The following PCSK2 variants were observed in gnomAD, a reference collection of about 807,000 sequenced individuals.
PCSK2 encodes neuroendocrine convertase 2.
Under a neutral mutation model 69.7 loss-of-function variants are expected in PCSK2, and 14 were observed. The ratio of observed to expected loss-of-function variants is 0.20; its 90% CI spans 0.13 to 0.31. The LOEUF is 0.31. Among genes scored for constraint, PCSK2 ranks in the 10% least tolerant of loss-of-function variants. The probability of loss-of-function intolerance (pLI) is 1.00; values close to 1 mark genes in which losing one functional copy is unlikely to be tolerated. For synonymous variants in PCSK2, 307 were observed against 320.7 expected (o/e 0.96, Z 0.46); for missense variants, 544 against 842.5 (o/e 0.65, Z 4.39).
intron 1 of PCSK2, among the ~76,000 whole-genome samples, chr20:17,258,037 A>G (rs1209463309): frequency 6.6e-6 from 1 of 152,250 alleles, no homozygotes; most frequent in Admixed American, 6.5e-5. Flanking sequence ...AAACCCTGGG[A>G]CAGATCAAAT....
chr20:17,358,181 G>C, intron 2 of PCSK2, 146 bp from the exon 3 acceptor site: 1 of 590,184 alleles, frequency 1.7e-6, no homozygotes, highest in Non-Finnish European at 3.0e-6. Flanking sequence ...TAATGGTAAG[G>C]TGAGCATGTA....
intron 2 of PCSK2, among the ~76,000 whole-genome samples, chr20:17,281,923 A>C (rs1346112228): frequency 6.6e-6 from 1 of 152,166 alleles, no homozygotes; most frequent in African/African-American, 2.4e-5. Context: ...ATGATGTCCC[A>C]GTAAGCCACT....
intron 2 of PCSK2, among the ~76,000 whole-genome samples, chr20:17,307,935 T>C (rs1934888): frequency 0.6 from 88,179 of 148,034 alleles, 27,723 homozygotes; most frequent in East Asian, 0.8. Flanking sequence ...TCTGGGGAGA[T>C]TTCTGGAAGC....
intron 1 of PCSK2, among the ~76,000 whole-genome samples, chr20:17,244,532 T>C (rs1986701959): frequency 6.6e-6 from 1 of 152,222 alleles, no homozygotes; most frequent in Non-Finnish European, 1.5e-5. Context: ...ATCCCCATAA[T>C]GTACCCTGTA....
chr20:17,464,085 A>G (rs560727401), intron 10 of PCSK2: 2 of 152,250 alleles, frequency 1.3e-5, no homozygotes, highest in African/African-American at 4.8e-5. Flanking sequence ...AACACCAACC[A>G]TTAAATCACT....
At chr20:17,347,864 AG>A (rs1568612181) in intron 2 of PCSK2, among the ~76,000 whole-genome samples, 4 of 85,510 alleles carry the variant, frequency 4.7e-5, no homozygotes, top group Non-Finnish European at 7.1e-5. Context: ...AAGAAAGAGG[AG>A]AGAGAAAAAA....
At chr20:17,338,868 G>A (rs555999167) in intron 2 of PCSK2, among the ~76,000 whole-genome samples, 37 of 152,154 alleles carry the variant, frequency 2.4e-4, no homozygotes, top group Admixed American at 7.2e-4. Context: ...ACACTAGTGC[G>A]ATGGGTGAGT....
At chr20:17,303,663 G>A in intron 2 of PCSK2, among the ~76,000 whole-genome samples, 1 of 144,108 alleles carries the variant, frequency 6.9e-6, no homozygotes, top group Non-Finnish European at 1.5e-5. Flanking sequence ...TGCAACCTCT[G>A]CCTCCCGAGT....
At chr20:17,306,365 T>C (rs1341690631) in intron 2 of PCSK2, among the ~76,000 whole-genome samples, 1 of 152,180 alleles carries the variant, frequency 6.6e-6, no homozygotes, top group Non-Finnish European at 1.5e-5. Flanking sequence ...TGACTGAACC[T>C]GCATACAGAC....
chr20:17,336,178 G>T (rs1392996189), intron 2 of PCSK2, among the ~76,000 whole-genome samples: 1 of 152,122 alleles, frequency 6.6e-6, no homozygotes, highest in African/African-American at 2.4e-5. Context: ...AAAGTATTTT[G>T]CATTTGGTGC....
At chr20:17,256,872 C>T (rs936739415) in intron 1 of PCSK2, among the ~76,000 whole-genome samples, 16 of 152,084 alleles carry the variant, frequency 1.1e-4, no homozygotes, top group Admixed American at 2.6e-4. Flanking sequence ...ACATGCAGTG[C>T]TTGGCTTTTT....
intron 5 of PCSK2, among the ~76,000 whole-genome samples, chr20:17,374,239 T>A (rs1351969753): frequency 2.0e-5 from 3 of 152,146 alleles, no homozygotes; most frequent in African/African-American, 7.2e-5. Flanking sequence ...ATGTGAGACA[T>A]GACTGTCAGG....
In PCSK2 at chr20:17,403,593, G is replaced by C. The variant is rs575792730; in HGVS notation, c.544-5670G>C. ...GCTCATTTCTCTTTCATTAGTCCAT[G>C]AGCACAGTGCAATTTCAGCTAATAC... On this transcript the variant is annotated intron_variant, in intron 5 of 11. Coordinates refer to ENST00000262545, the MANE Select transcript of PCSK2 (RefSeq NM_002594.5). Among the ~76,000 whole-genome samples, 3 of 152,344 alleles carry C rather than the reference G, an allele frequency of 2.0e-5. No homozygotes were observed. The East Asian group carries it at 5.8e-4, about 29-fold the overall frequency.
intron 2 of PCSK2, among the ~76,000 whole-genome samples, chr20:17,290,842 CT>C (rs1029981035): frequency 2.6e-5 from 4 of 152,104 alleles, no homozygotes; most frequent in African/African-American, 4.8e-5. Context: ...TGAGGACCTT[CT>C]TGTGTTAACC....
intron 11 of PCSK2, 65 bp from the exon 12 acceptor site, chr20:17,481,519 C>G (rs1179345569): frequency 6.6e-7 from 1 of 1,523,314 alleles, no homozygotes; most frequent in African/African-American, 1.4e-5. Flanking sequence ...TGAAGCTGCC[C>G]TCAAAATCCC....
At chr20:17,443,450 T>G (rs2032637028) in intron 8 of PCSK2, among the ~76,000 whole-genome samples, 1 of 152,148 alleles carries the variant, frequency 6.6e-6, no homozygotes. Flanking sequence ...GCATTATTCA[T>G]TGTGTGACTG....
chr20:17,286,883 T>C (rs1035340673), intron 2 of PCSK2, among the ~76,000 whole-genome samples: 2 of 152,044 alleles, frequency 1.3e-5, no homozygotes, highest in African/African-American at 4.8e-5. Flanking sequence ...TACATACAGG[T>C]TGTATATGTA....
chr20:17,293,630 G>C (rs1988770428), intron 2 of PCSK2, among the ~76,000 whole-genome samples: 2 of 152,108 alleles, frequency 1.3e-5, no homozygotes, highest in African/African-American at 2.4e-5. Context: ...TATATGAATA[G>C]ATTTCTTAAT....
intron 6 of PCSK2, among the ~76,000 whole-genome samples, chr20:17,414,495 A>G (rs2031952100): frequency 6.6e-6 from 1 of 152,244 alleles, no homozygotes; most frequent in Non-Finnish European, 1.5e-5. Context: ...GAAGAAGTTG[A>G]ATCTCTGAAT....
Sources: gnomAD v4.1 joint callset for allele counts (sites outside exome capture counted in the v4.1 genomes callset) on GRCh38, gnomAD v4.1.1 for gene constraint, MANE v1.5 for transcripts, NCBI Gene and HGNC (gene_info 2026-07-23, HGNC 2026-07-21) for gene names.